PPP4R2: variants seen among roughly 807,000 people sequenced by gnomAD.
PPP4R2 encodes the protein serine/threonine-protein phosphatase 4 regulatory subunit 2.
PPP4R2 carries 13 observed loss-of-function variants against 47.2 expected under a neutral mutation model. That is an observed-to-expected ratio of 0.28 (90% CI 0.18 to 0.44). The LOEUF (loss-of-function observed/expected upper bound fraction) is 0.44. PPP4R2 is among the 20% of genes least tolerant of loss of function. PPP4R2 has a pLI of 1.00. For missense variants in PPP4R2, 421 were observed against 491.2 expected, an observed-to-expected ratio of 0.86 and a Z score of 1.35; for synonymous variants, 151 against 163.3, an observed-to-expected ratio of 0.92 and a Z score of 0.57.
At chr3:73,045,346 T>G (rs1702460023) in intron 2 of PPP4R2, among the ~76,000 whole-genome samples, 1 of 151,984 alleles carries the variant, frequency 6.6e-6, no homozygotes, top group African/African-American at 2.4e-5. Flanking sequence ...TTCAGAATAT[T>G]TTGGGACTAT....
At chr3:73,055,697 T>G (rs944090094) in intron 3 of PPP4R2, among the ~76,000 whole-genome samples, 15 of 151,578 alleles carry the variant, frequency 9.9e-5, no homozygotes, top group Non-Finnish European at 1.6e-4. Flanking sequence ...GTCTCACTCT[T>G]ATCACCCAGG....
chr3:73,060,903 C>CT, intron 4 of PPP4R2, 120 bp from the exon 5 acceptor site: 2 of 572,962 alleles, frequency 3.5e-6, no homozygotes, highest in Non-Finnish European at 5.8e-6. Context: ...TTTTCCTTTA[C>CT]TAGCAAAATT....
intron 2 of PPP4R2, among the ~76,000 whole-genome samples, chr3:73,014,678 A>G (rs2107233618): frequency 6.6e-6 from 1 of 152,246 alleles, no homozygotes; most frequent in African/African-American, 2.4e-5. Context: ...TTGTGCTAAC[A>G]TCTTATAGTT....
chr3:73,031,574 C>T (rs1702164702), intron 2 of PPP4R2, among the ~76,000 whole-genome samples: 1 of 151,938 alleles, frequency 6.6e-6, no homozygotes, highest in Non-Finnish European at 1.5e-5. Flanking sequence ...AGAAATATTT[C>T]ATTTATTTTT....
intron 2 of PPP4R2, among the ~76,000 whole-genome samples, chr3:73,030,731 C>G (rs1469349829): frequency 6.6e-6 from 1 of 150,454 alleles, no homozygotes; most frequent in African/African-American, 2.4e-5. Flanking sequence ...GAGATGGAGT[C>G]TCACTCTGTT....
chr3:72,997,162 C>T (rs1166821043), intron 1 of PPP4R2, 91 bp downstream of exon 1: 2 of 1,091,722 alleles, frequency 1.8e-6, no homozygotes, highest in South Asian at 3.6e-5. Context: ...GGACCGGGGC[C>T]GGGCGCGGCG....
rs1703010848 is a variant in PPP4R2 at position 73,067,057 on chromosome 3, A to G, written c.*1335A>G. On this transcript the variant is annotated 3_prime_UTR_variant, in exon 9 of 9. Transcript: ENST00000356692. ...TATTTAAAGTTTTTAAATTTCTGTA[A>G]AGTAGATTTTGTAGAATGTAATGTG... is the stretch of plus-strand genomic sequence containing the variant. 1 of 152,060 alleles carries G rather than the reference A, an allele frequency of 6.6e-6. No individual in the cohort carries two copies. Among genetic ancestry groups the G allele is most frequent in the Admixed American group, 6.6e-5 (1 of 15,266 alleles). 9.4% of individuals were successfully genotyped at this position (152,060 alleles called of 1,614,324 possible).
chr3:73,043,557 A>G (rs1291008278), intron 2 of PPP4R2, among the ~76,000 whole-genome samples: 1 of 152,192 alleles, frequency 6.6e-6, no homozygotes, highest in Admixed American at 6.5e-5. Flanking sequence ...CTTTCCCACC[A>G]GTAATGTATG....
intron 3 of PPP4R2, among the ~76,000 whole-genome samples, chr3:73,055,322 G>A (rs377269508): frequency 3.9e-5 from 6 of 152,046 alleles, no homozygotes; most frequent in African/African-American, 9.6e-5. Flanking sequence ...AATCTTTGAA[G>A]TGTACTTGTA....
At chr3:73,034,229 A>C (rs1176287162) in intron 2 of PPP4R2, among the ~76,000 whole-genome samples, 1 of 152,130 alleles carries the variant, frequency 6.6e-6, no homozygotes, top group Non-Finnish European at 1.5e-5. Context: ...TCCTTTTTAT[A>C]AATGTCTTTA....
intron 5 of PPP4R2, chr3:73,062,465 C>A: frequency 1.2e-6 from 2 of 1,612,790 alleles, no homozygotes; most frequent in East Asian, 2.2e-5. Flanking sequence ...GTTTAGTATT[C>A]TTGTGTTTCA....
chr3:73,028,986 A>G (rs1575859430), intron 2 of PPP4R2, among the ~76,000 whole-genome samples: 1 of 152,210 alleles, frequency 6.6e-6, no homozygotes, highest in Non-Finnish European at 1.5e-5. Context: ...TCACTCTGTC[A>G]TGCAGTGTGA....
chr3:73,013,488 A>G (rs1701764979), intron 2 of PPP4R2, among the ~76,000 whole-genome samples: 1 of 108,354 alleles, frequency 9.2e-6, no homozygotes, highest in South Asian at 3.4e-4. Context: ...CAAAAATGTA[A>G]GAAAAAAAAT....
At chr3:73,013,183 C>A (rs1444152345) in intron 2 of PPP4R2, among the ~76,000 whole-genome samples, 1 of 151,726 alleles carries the variant, frequency 6.6e-6, no homozygotes, top group East Asian at 1.9e-4. Context: ...AGTGCCATAG[C>A]CAGCATGTGG....
chr3:72,999,165 A>G (rs544590021), intron 2 of PPP4R2, among the ~76,000 whole-genome samples: 82 of 152,344 alleles, frequency 5.4e-4, no homozygotes, highest in African/African-American at 1.9e-3. Flanking sequence ...GTATTCTATT[A>G]AAATACACCA....
intron 4 of PPP4R2, among the ~76,000 whole-genome samples, chr3:73,060,213 A>G (rs751604502): frequency 2.6e-5 from 4 of 152,202 alleles, no homozygotes; most frequent in Non-Finnish European, 5.9e-5. Context: ...GCCATACTGG[A>G]TTAATATATT....
intron 2 of PPP4R2, among the ~76,000 whole-genome samples, chr3:73,004,608 T>C (rs553696312): frequency 6.6e-6 from 1 of 152,242 alleles, no homozygotes; most frequent in East Asian, 1.9e-4. Flanking sequence ...TGGCTAATTT[T>C]TGTGTTTTCT....
chr3:73,020,647 G>A (rs1701939479), intron 2 of PPP4R2, among the ~76,000 whole-genome samples: 1 of 143,674 alleles, frequency 7.0e-6, no homozygotes, highest in Non-Finnish European at 1.5e-5. Flanking sequence ...TCCAGCCTGG[G>A]CCACAGAGTG....
chr3:73,048,838 ATATTCCACTGTTT>A (rs1702545302), intron 3 of PPP4R2, among the ~76,000 whole-genome samples: 1 of 152,338 alleles, frequency 6.6e-6, no homozygotes, highest in African/African-American at 2.4e-5. Context: ...GCTTTATATC[ATATTCCACTGTTT>A]TTAGGTTTAA....
Sources: allele counts gnomAD v4.1 joint callset (sites outside exome capture counted in the v4.1 genomes callset), GRCh38; gene constraint gnomAD v4.1.1; transcripts MANE v1.5; gene names NCBI Gene and HGNC (gene_info 2026-07-23, HGNC 2026-07-21).